Variants in GANC observed in about 807,000 individuals in gnomAD.
GANC encodes the protein neutral alpha-glucosidase C.
A neutral mutation model predicts 124.2 loss-of-function variants in GANC; 117 were observed. The observed-to-expected ratio is 0.94, with a 90% CI of 0.81 to 1.10. GANC has a LOEUF of 1.10. Among genes scored for constraint, GANC ranks in the 50% least tolerant of loss-of-function variants. The pLI is 0.00. For synonymous variants in GANC, 377 were observed against 376.8 expected (o/e 1.00, Z -0.01); for missense variants, 1,140 against 1,095.0 (o/e 1.04, Z -0.58).
intron 3 of GANC, among the ~76,000 whole-genome samples, chr15:42,285,477 G>T (rs1014155280): frequency 1.3e-5 from 2 of 152,190 alleles, no homozygotes; most frequent in African/African-American, 4.8e-5. Flanking sequence ...GGAAAGTAGA[G>T]CCTGGACCAA....
intron 6 of GANC, among the ~76,000 whole-genome samples, chr15:42,306,122 G>C (rs1271762184): frequency 1.3e-5 from 2 of 151,860 alleles, no homozygotes; most frequent in Non-Finnish European, 2.9e-5. Context: ...CGCCTCCCAG[G>C]TTCAAGCAAT....
chr15:42,322,243 A>AG (rs957471955), intron 11 of GANC, among the ~76,000 whole-genome samples: 1 of 152,196 alleles, frequency 6.6e-6, no homozygotes, highest in Non-Finnish European at 1.5e-5. Context: ...ATAATGAAGA[A>AG]GGGGTCTAGC....
rs146041321 is a variant in GANC, at chr15:42,321,895, A to G, written c.1168A>G (p.Ile390Val). The change falls in exon 11 of 24, where the codon ATT becomes GTT. Residue 390 changes from isoleucine to valine, a missense_variant. Physicochemically the swap from Ile to Val is conservative, Grantham distance 29. Transcript: ENST00000318010. ...GGATGCAGGGTTTGATGAGCATGAC[A>G]TTCCTTATGATGCCATGTGGCTGGA... ...AVDAGFDEHD[I>V]PYDAMWLDIE... is the part of the protein sequence containing the mutation. 12 of 1,614,228 alleles carry G rather than the reference A, an allele frequency of 7.4e-6. No individual in the cohort carries two copies. Among genetic ancestry groups the G allele is most frequent in the Admixed American group, 3.3e-5 (2 of 60,026 alleles).
At chr15:42,351,287 C>A in intron 22 of GANC, 42 bp from the exon 23 acceptor site, 12 of 1,472,592 alleles carry the variant, frequency 8.1e-6, no homozygotes, top group Non-Finnish European at 1.1e-5. Flanking sequence ...CCACTTCAAA[C>A]CCCCATCCCT....
chr15:42,318,610 C>T (rs1449301994), intron 10 of GANC, among the ~76,000 whole-genome samples: 1 of 152,050 alleles, frequency 6.6e-6, no homozygotes, highest in Admixed American at 6.6e-5. Flanking sequence ...TTGTTTGAGT[C>T]AGGGTTTTGC....
At position 42,336,399 on chromosome 15, in the gene GANC, A is replaced by T. The variant is rs925835909; in HGVS notation, c.1742-1990A>T. Reference sequence around the variant, plus strand: ...CAATGGGGAAAGGACTCCCTATTCAACAAGTGGTGCTGGGACAACTGGCAA... The same window carrying T: ...CAATGGGGAAAGGACTCCCTATTCATCAAGTGGTGCTGGGACAACTGGCAA... On this transcript the variant is annotated intron_variant, in intron 15 of 23. Coordinates refer to ENST00000318010, the MANE Select transcript of GANC (RefSeq NM_198141.3). Among the ~76,000 whole-genome samples, 3 of 152,254 alleles carry T rather than the reference A, an allele frequency of 2.0e-5. No homozygotes were observed. The East Asian group carries it at 5.8e-4, about 29-fold the overall frequency.
chr15:42,275,358 A>G (rs1244676689), intron 1 of GANC, among the ~76,000 whole-genome samples: 1 of 152,238 alleles, frequency 6.6e-6, no homozygotes, highest in East Asian at 1.9e-4. Context: ...TAGGAGGCAG[A>G]GCGAGATCCT....
intron 22 of GANC, 60 bp from the exon 23 acceptor site, chr15:42,351,269 G>A: frequency 8.6e-7 from 1 of 1,165,228 alleles, no homozygotes; most frequent in Non-Finnish European, 1.3e-6. Flanking sequence ...GAGATGTTGA[G>A]CTGGTGGCCA....
At chr15:42,276,124 C>G (rs1387484747) in intron 1 of GANC, 2 of 352,014 alleles carry the variant, frequency 5.7e-6, no homozygotes, top group Non-Finnish European at 1.1e-5. Context: ...TGGAGTAATC[C>G]CAGAACCTGA....
Position 42,312,007 on chromosome 15 carries a change from C to T in GANC, c.1057+1161C>T, listed in dbSNP as rs181515842. Among the ~76,000 whole-genome samples, 222 of 152,280 alleles carry T rather than the reference C, an allele frequency of 1.5e-3. 2 individuals are homozygous for T. Among genetic ancestry groups the T allele is most frequent in the Non-Finnish European group, 2.3e-3 (155 of 68,018 alleles). ...GACTTGTACACTGAAAACTATAAAA[C>T]ATTCCTGATAGAAATTAAAGAATGC... On this transcript the variant is annotated intron_variant, in intron 10 of 23. Coordinates refer to ENST00000318010, the MANE Select transcript of GANC (RefSeq NM_198141.3).
At position 42,310,270 on chromosome 15, in the gene GANC, C is replaced by T; in HGVS notation, c.723-13C>T. On this transcript the variant is annotated splice_polypyrimidine_tract_variant and intron_variant, in intron 8 of 23. Coordinates refer to ENST00000318010, the MANE Select transcript of GANC (RefSeq NM_198141.3). ...ATTTGTGATGGTAATTGATGATAATCTTTGTGTTTCAGTGATGGAGATGCT... is the reference window on the plus strand; with the variant it reads ...ATTTGTGATGGTAATTGATGATAATTTTTGTGTTTCAGTGATGGAGATGCT... 1.9e-6 allele frequency: 3 copies of T among 1,560,334 alleles called. No individual in the cohort carries two copies. The highest frequency in any genetic ancestry group is 2.6e-6 in the Non-Finnish European group (3 of 1,146,946).
chr15:42,287,920 C>CAAA, intron 4 of GANC, 102 bp downstream of exon 4: 6 of 1,163,302 alleles, frequency 5.2e-6, no homozygotes, highest in Non-Finnish European at 7.2e-6. Flanking sequence ...TTTGGCTGCT[C>CAAA]AAAACTACAG....
intron 3 of GANC, among the ~76,000 whole-genome samples, chr15:42,287,129 G>A (rs2051796882): frequency 6.6e-6 from 1 of 152,180 alleles, no homozygotes; most frequent in Non-Finnish European, 1.5e-5. Context: ...AGTTCCCCGG[G>A]TCTATTTTCC....
At chr15:42,278,375 C>G (rs549907407) in intron 2 of GANC, 107 bp from the exon 3 acceptor site, 6 of 711,178 alleles carry the variant, frequency 8.4e-6, no homozygotes, top group Admixed American at 5.6e-5. Flanking sequence ...CCCTGAAATT[C>G]ACTGAATATC....
chr15:42,326,509 G>T lies in GANC; in HGVS notation c.1420+85G>T, dbSNP rs902346015. 3.1e-5 allele frequency: 50 copies of T among 1,587,774 alleles called. No individual in the cohort carries two copies. The Admixed American group carries it at 8.2e-4, about 26-fold the overall frequency. ...TGCGTGGTCATCATTCTGCTCCCTT[G>T]TAGATGTCTCTTGCTCCTCTAGCTA... On this transcript the variant is annotated intron_variant, in intron 12 of 23. Transcript: ENST00000318010.
chr15:42,288,972 G>A (rs887640892), intron 4 of GANC, among the ~76,000 whole-genome samples: 1 of 152,166 alleles, frequency 6.6e-6, no homozygotes, highest in Admixed American at 6.5e-5. Context: ...ACTTGTGTTC[G>A]TAAGTAAGTT....
At chr15:42,299,582 C>T (rs2051925889) in intron 6 of GANC, among the ~76,000 whole-genome samples, 1 of 152,160 alleles carries the variant, frequency 6.6e-6, no homozygotes, top group Admixed American at 6.5e-5. Context: ...CATTGACATT[C>T]TTCACAGAAT....
intron 20 of GANC, 50 bp from the exon 21 acceptor site, chr15:42,348,053 A>C: frequency 2.9e-6 from 3 of 1,046,262 alleles, no homozygotes; most frequent in Non-Finnish European, 4.2e-6. Context: ...TTCTACCTTG[A>C]AATTTTCTTA....
Position 42,293,064 on chromosome 15 carries a change from C to T in GANC, c.512+147C>T, listed in dbSNP as rs543411490. 13 of 705,260 alleles carry T rather than the reference C, an allele frequency of 1.8e-5. No individual in the cohort carries two copies. In the East Asian group the frequency reaches 3.5e-4, roughly 19 times the overall value. The allele number at this position is 705,260 out of a possible 1,614,324, so 43.7% of individuals were successfully genotyped here. ...GTTCTGAGAAATTTTACCTTTTCAC[C>T]TGTGAAGGTGAATACAAGCTTTATG... is the stretch of plus-strand genomic sequence containing the variant. On this transcript the variant is annotated intron_variant, in intron 5 of 23. Coordinates refer to ENST00000318010, the MANE Select transcript of GANC (RefSeq NM_198141.3).
Sources: allele counts gnomAD v4.1 joint callset (sites outside exome capture counted in the v4.1 genomes callset), GRCh38; gene constraint gnomAD v4.1.1; transcripts MANE v1.5; gene names NCBI Gene and HGNC (gene_info 2026-07-23, HGNC 2026-07-21).